Variants in VAV1 observed in about 807,000 individuals in gnomAD.
The protein encoded by VAV1 is vav guanine nucleotide exchange factor 1.
Under a neutral mutation model 128.1 loss-of-function variants are expected in VAV1, and 33 were observed. The observed-to-expected ratio is 0.26, with a 90% CI of 0.20 to 0.34. The LOEUF (loss-of-function observed/expected upper bound fraction) is 0.34. Ranked by LOEUF, VAV1 falls within the 10% of genes least tolerant of loss-of-function variation. The pLI, the probability that VAV1 is intolerant of heterozygous loss-of-function variation, is 1.00. For synonymous variants in VAV1, 394 were observed against 409.8 expected, an observed-to-expected ratio of 0.96 and a Z score of 0.47; for missense variants, 715 against 1,093.7, an observed-to-expected ratio of 0.65 and a Z score of 4.88.
At chr19:6,782,286 C>T (rs183824924) in intron 1 of VAV1, among the ~76,000 whole-genome samples, 96 of 151,936 alleles carry the variant, frequency 6.3e-4, no homozygotes, top group African/African-American at 2.3e-3. Context: ...GCCAAGATTG[C>T]ACCACTGCAC....
intron 1 of VAV1, among the ~76,000 whole-genome samples, chr19:6,788,614 C>T (rs931215441): frequency 2.6e-5 from 4 of 152,120 alleles, no homozygotes; most frequent in African/African-American, 9.7e-5. Flanking sequence ...CTCACGTGAT[C>T]TGCCCACCTC....
At chr19:6,831,968 G>T in intron 14 of VAV1, 123 bp from the exon 15 acceptor site, 1 of 707,808 alleles carries the variant, frequency 1.4e-6, no homozygotes, top group Non-Finnish European at 2.4e-6. Context: ...ATCCATGCAT[G>T]GTGCTAGGGG....
In VAV1 at chr19:6,820,575, A is replaced by G. The variant is rs1370586511; in HGVS notation, c.205-127A>G. ...TTAATCTTTACCAGAAGATAATTCA[A>G]TTTCATGGAAGAGGGTCTGTGCTTT... On this transcript the variant is annotated intron_variant, in intron 1 of 26. Coordinates refer to ENST00000602142, the MANE Select transcript of VAV1 (RefSeq NM_005428.4). This position sits in a 1 kb window ranked among gnomAD's most constrained non-coding sequence, Gnocchi z 4.4. 4 of 699,874 alleles carry G rather than the reference A, an allele frequency of 5.7e-6. No individual in the cohort carries two copies. The highest frequency in any genetic ancestry group is 2.5e-5 in the East Asian group (1 of 40,000). 43.4% of individuals were successfully genotyped at this position (699,874 alleles called of 1,614,324 possible).
At chr19:6,855,710 C>G (rs1972778246) in intron 26 of VAV1, among the ~76,000 whole-genome samples, 1 of 151,902 alleles carries the variant, frequency 6.6e-6, no homozygotes, top group African/African-American at 2.4e-5. Context: ...CACCTACTCA[C>G]CAGTCCATTA....
At chr19:6,794,417 A>C (rs1475259014) in intron 1 of VAV1, among the ~76,000 whole-genome samples, 1 of 152,114 alleles carries the variant, frequency 6.6e-6, no homozygotes, top group Non-Finnish European at 1.5e-5. Flanking sequence ...AGGCAGGAGG[A>C]TTGCTTGAGC....
intron 1 of VAV1, among the ~76,000 whole-genome samples, chr19:6,810,056 T>C (rs929830686): frequency 2.6e-5 from 4 of 152,126 alleles, no homozygotes; most frequent in African/African-American, 9.6e-5. Flanking sequence ...GGTGCATGCC[T>C]GTAGTCCCAA....
chr19:6,854,660 A>G (rs1972751310), intron 26 of VAV1, among the ~76,000 whole-genome samples: 1 of 152,056 alleles, frequency 6.6e-6, no homozygotes, highest in African/African-American at 2.4e-5. Flanking sequence ...TGCTGCAGTG[A>G]GCTATGATTG....
At chr19:6,783,813 A>C (rs963080032) in intron 1 of VAV1, among the ~76,000 whole-genome samples, 1 of 152,074 alleles carries the variant, frequency 6.6e-6, no homozygotes, top group Non-Finnish European at 1.5e-5. Flanking sequence ...GCTCCATTTA[A>C]CTACGAGGGA....
intron 1 of VAV1, among the ~76,000 whole-genome samples, chr19:6,791,407 A>C (rs900513344): frequency 2.0e-5 from 3 of 151,432 alleles, no homozygotes; most frequent in African/African-American, 7.3e-5. Flanking sequence ...CTAGCTCCTC[A>C]TCTCGAGGTC....
rs528566912 is a variant in VAV1, at chr19:6,856,404, A to G, written c.2485-650A>G. Among the ~76,000 whole-genome samples the G allele has an allele frequency of 1.7e-4, 26 of 152,094 alleles. 1 individual carries two copies. In the South Asian group the frequency reaches 4.8e-3, roughly 28 times the overall value. Reference sequence around the variant, plus strand: ...ATGATACATAATGAATCAGACGGTGATATGTGCTATAGAAAAAGATAAAGC... The same window carrying G: ...ATGATACATAATGAATCAGACGGTGGTATGTGCTATAGAAAAAGATAAAGC... On this transcript the variant is annotated intron_variant, in intron 26 of 26. Coordinates refer to ENST00000602142, the MANE Select transcript of VAV1 (RefSeq NM_005428.4).
chr19:6,800,078 G>T lies in VAV1; in HGVS notation c.205-20624G>T, dbSNP rs146438720. On this transcript the variant is annotated intron_variant, in intron 1 of 26. Transcript: ENST00000602142. ...TTTGGGGAACTGAGGCGGGAGGATT[G>T]CTGGAGCCTAGGAGTTTGAGACCAA... Among the ~76,000 whole-genome samples the T allele has an allele frequency of 2.1e-3, 318 of 151,944 alleles. 1 individual carries two copies. Among genetic ancestry groups the T allele is most frequent in the African/African-American group, 7.5e-3 (310 of 41,484 alleles).
intron 18 of VAV1, 79 bp downstream of exon 18, chr19:6,833,812 C>T: frequency 6.2e-7 from 1 of 1,613,210 alleles, no homozygotes; most frequent in South Asian, 1.1e-5. Context: ...CATCCTGGAA[C>T]TGGGCAGGAT....
intron 1 of VAV1, among the ~76,000 whole-genome samples, chr19:6,817,768 C>T (rs1402531415): frequency 6.6e-6 from 1 of 151,928 alleles, no homozygotes; most frequent in East Asian, 1.9e-4. Flanking sequence ...CTCACCGCAG[C>T]CTCCACCTCC....
intron 1 of VAV1, among the ~76,000 whole-genome samples, chr19:6,789,260 C>CTTTTTTTTTTTTTTTTTTT (rs771682522): frequency 1.6e-4 from 23 of 144,964 alleles, no homozygotes; most frequent in Admixed American, 7.6e-4. Flanking sequence ...CTCCTTTCTT[C>CTTTTTTTTTTTTTTTTTTT]TTTTTTTTTT....
intron 2 of VAV1, among the ~76,000 whole-genome samples, 168 bp from the exon 3 acceptor site, chr19:6,821,454 C>G (rs1183502956): frequency 6.6e-6 from 1 of 151,982 alleles, no homozygotes; most frequent in East Asian, 1.9e-4. Flanking sequence ...AAGGGTGGGG[C>G]TCATTTGAGA....
chr19:6,810,037 G>T (rs553339573), intron 1 of VAV1, among the ~76,000 whole-genome samples: 1 of 152,138 alleles, frequency 6.6e-6, no homozygotes, highest in Admixed American at 6.5e-5. Flanking sequence ...AACGTTATCT[G>T]GGCATGGTGG....
At chr19:6,779,169 A>T (rs1970711033) in intron 1 of VAV1, among the ~76,000 whole-genome samples, 1 of 150,840 alleles carries the variant, frequency 6.6e-6, no homozygotes, top group African/African-American at 2.4e-5. Flanking sequence ...CTCCTGCCTC[A>T]GCCTCCTGAG....
intron 19 of VAV1, among the ~76,000 whole-genome samples, chr19:6,834,336 C>G (rs1972166274): frequency 3.3e-5 from 5 of 150,794 alleles, no homozygotes; most frequent in Admixed American, 2.7e-4. Flanking sequence ...CTCCACCTCC[C>G]AAGTTCAAGC....
At chr19:6,798,446 G>A (rs1050806904) in intron 1 of VAV1, among the ~76,000 whole-genome samples, 8 of 151,880 alleles carry the variant, frequency 5.3e-5, no homozygotes, top group African/African-American at 1.9e-4. Context: ...TGGGCAACAT[G>A]GTGAGACCAG....
Sources: gnomAD v4.1 joint callset for allele counts (sites outside exome capture counted in the v4.1 genomes callset) on GRCh38, gnomAD v4.1.1 for gene constraint, Gnocchi (gnomAD v3.1) non-coding constraint, MANE v1.5 for transcripts, NCBI Gene and HGNC (gene_info 2026-07-23, HGNC 2026-07-21) for gene names.